Variants in RIMS1 observed in about 807,000 individuals in gnomAD.
The protein encoded by RIMS1 is regulating synaptic membrane exocytosis protein 1.
Under a neutral mutation model 214.1 loss-of-function variants are expected in RIMS1, and 83 were observed. That is an observed-to-expected ratio of 0.39 (90% confidence interval 0.32 to 0.47). The LOEUF is 0.47. RIMS1 is among the 20% of genes least tolerant of loss of function. The pLI is 0.99. For synonymous variants in RIMS1, 793 were observed against 786.8 expected, an observed-to-expected ratio of 1.01 and a Z score of -0.13; for missense variants, 2,050 against 2,161.8, an observed-to-expected ratio of 0.95 and a Z score of 1.03.
intron 4 of RIMS1, among the ~76,000 whole-genome samples, chr6:72,165,884 T>C (rs1487057684): frequency 6.6e-6 from 1 of 152,186 alleles, no homozygotes. Context: ...ATCCTACTGG[T>C]ACCTATTATT....
At chr6:72,106,320 G>T (rs2034733955) in intron 4 of RIMS1, among the ~76,000 whole-genome samples, 1 of 152,140 alleles carries the variant, frequency 6.6e-6, no homozygotes, top group African/African-American at 2.4e-5. Flanking sequence ...GACCAATAAA[G>T]TGCTGTTACA....
At chr6:72,339,414 C>T (rs1403806506) in intron 29 of RIMS1, among the ~76,000 whole-genome samples, 2 of 151,956 alleles carry the variant, frequency 1.3e-5, no homozygotes, top group African/African-American at 4.8e-5. Context: ...GGTATATCTC[C>T]TAATGCTATC....
At chr6:72,062,683 A>ATT (rs1404321618) in intron 2 of RIMS1, among the ~76,000 whole-genome samples, 1 of 152,182 alleles carries the variant, frequency 6.6e-6, no homozygotes, top group African/African-American at 2.4e-5. Flanking sequence ...AGCAACAGAA[A>ATT]TGTATTGCCG....
At chr6:72,295,478 A>G (rs957713974) in intron 26 of RIMS1, among the ~76,000 whole-genome samples, 2 of 151,832 alleles carry the variant, frequency 1.3e-5, no homozygotes, top group Non-Finnish European at 3.0e-5. Flanking sequence ...AATAAATTTC[A>G]TTTTATCATA....
chr6:72,071,809 G>A (rs1352557040), intron 2 of RIMS1, among the ~76,000 whole-genome samples: 1 of 152,106 alleles, frequency 6.6e-6, no homozygotes, highest in Non-Finnish European at 1.5e-5. Flanking sequence ...ATTTTCATGG[G>A]GGAACTATTA....
chr6:72,316,231 C>A (rs754536566), intron 28 of RIMS1, among the ~76,000 whole-genome samples: 2 of 152,144 alleles, frequency 1.3e-5, no homozygotes, highest in African/African-American at 4.8e-5. Context: ...GGACTTCAGG[C>A]TGGATCTACC....
At position 72,158,603 on chromosome 6, in the gene RIMS1, C is replaced by G. The variant is rs535968247; in HGVS notation, c.472-20972C>G. On this transcript the variant is annotated intron_variant, in intron 4 of 33. Coordinates refer to ENST00000521978, the MANE Select transcript of RIMS1 (RefSeq NM_014989.7). ...GGCCCTGGTGTGTGATGTTCCCCTTCCTGTGTCCATGTGTTCTCATTGCTC... is the reference window on the plus strand; with the variant it reads ...GGCCCTGGTGTGTGATGTTCCCCTTGCTGTGTCCATGTGTTCTCATTGCTC... Among the ~76,000 whole-genome samples, 2 of 123,288 alleles carry G rather than the reference C, an allele frequency of 1.6e-5. 1 individual carries two copies. The highest frequency in any genetic ancestry group is 6.2e-4 in the South Asian group (2 of 3,238). The allele number at this position is 123,288 out of a possible 152,430, so 80.9% of individuals were successfully genotyped here.
chr6:72,356,561 C>G (rs1428065918), intron 29 of RIMS1, among the ~76,000 whole-genome samples: 1 of 151,124 alleles, frequency 6.6e-6, no homozygotes, highest in Admixed American at 6.6e-5. Flanking sequence ...GAGTTCAAGA[C>G]CAGTCTGGCT....
At chr6:72,145,568 T>C (rs2463704) in intron 4 of RIMS1, among the ~76,000 whole-genome samples, 152,178 of 152,210 alleles carry the variant, frequency 1, 76,073 homozygotes, top group Middle Eastern at 1. Context: ...GCCCAGATCA[T>C]GCCACTGCAC....
Position 72,279,561 on chromosome 6 carries a change from AT to A in RIMS1, c.3483-4485del, listed in dbSNP as rs572102985. Among the ~76,000 whole-genome samples, 112 of 152,188 alleles carry A rather than the reference AT, an allele frequency of 7.4e-4. 1 individual carries two copies. Among genetic ancestry groups the A allele is most frequent in the African/African-American group, 2.6e-3 (110 of 41,578 alleles). ...ACCAAGTAAATATTCTTTATGAATA[AT>A]ATTGTAAAGATAAAAAATTTATGCC... is the stretch of plus-strand genomic sequence containing the variant. On this transcript the variant is annotated intron_variant, in intron 23 of 33. Transcript: ENST00000521978.
intron 24 of RIMS1, among the ~76,000 whole-genome samples, chr6:72,288,549 T>G (rs2154243634): frequency 6.6e-6 from 1 of 152,286 alleles, no homozygotes; most frequent in East Asian, 1.9e-4. Flanking sequence ...CACATCCCAT[T>G]TCATTGAAAA....
chr6:71,963,710 G>T (rs564151533), intron 1 of RIMS1, among the ~76,000 whole-genome samples: 4 of 152,100 alleles, frequency 2.6e-5, no homozygotes, highest in African/African-American at 9.6e-5. Flanking sequence ...CACAAATTTA[G>T]TGAAGTTAAT....
intron 7 of RIMS1, among the ~76,000 whole-genome samples, chr6:72,234,526 C>T (rs1440823640): frequency 6.6e-6 from 1 of 151,940 alleles, no homozygotes; most frequent in Admixed American, 6.6e-5. Flanking sequence ...TTAGTGTGGT[C>T]CATTTGTTAC....
intron 2 of RIMS1, among the ~76,000 whole-genome samples, chr6:72,049,337 C>A (rs948035652): frequency 6.6e-6 from 1 of 152,046 alleles, no homozygotes; most frequent in East Asian, 1.9e-4. Context: ...GGGAACTCAA[C>A]CCCTCTTATG....
In RIMS1 at chr6:72,223,732, G is replaced by A. The variant is rs563850523; in HGVS notation, c.1679-10041G>A. 5.3e-5 allele frequency among the ~76,000 whole-genome samples: 8 copies of A among 152,058 alleles called. No homozygotes were observed. The South Asian group carries it at 1.7e-3, about 32-fold the overall frequency. On this transcript the variant is annotated intron_variant, in intron 6 of 33. Transcript: ENST00000521978. ...GGAGGCTGAGGTGGGTGGATCACGA[G>A]GTCAGGAAATCGAGACCATCCTGGC...
At chr6:72,099,931 T>G (rs1279351213) in intron 3 of RIMS1, 44 bp from the exon 4 acceptor site, 1 of 1,569,502 alleles carries the variant, frequency 6.4e-7, no homozygotes, top group East Asian at 2.2e-5. Flanking sequence ...TTTCTTTTCT[T>G]TGTCTTCTTT....
chr6:72,297,164 A>T (rs1271978582), intron 26 of RIMS1, among the ~76,000 whole-genome samples: 3 of 151,992 alleles, frequency 2.0e-5, no homozygotes, highest in Admixed American at 6.6e-5. Flanking sequence ...TAATTAAAAA[A>T]TTAAAAAATT....
intron 1 of RIMS1, among the ~76,000 whole-genome samples, chr6:71,919,968 A>T (rs1779526892): frequency 6.6e-6 from 1 of 152,206 alleles, no homozygotes; most frequent in Non-Finnish European, 1.5e-5. Context: ...GACTATCATG[A>T]CCAACAAAAC....
intron 29 of RIMS1, among the ~76,000 whole-genome samples, chr6:72,345,184 G>T (rs1235324366): frequency 1.3e-5 from 2 of 151,628 alleles, no homozygotes; most frequent in Non-Finnish European, 3.0e-5. Flanking sequence ...AATTCAGAGT[G>T]TTTTTTCATA....
Sources: allele counts gnomAD v4.1 joint callset (sites outside exome capture counted in the v4.1 genomes callset), GRCh38; gene constraint gnomAD v4.1.1; transcripts MANE v1.5; gene names NCBI Gene and HGNC (gene_info 2026-07-23, HGNC 2026-07-21).